Variants in DCDC2 observed in about 807,000 individuals in gnomAD.
DCDC2 encodes doublecortin domain-containing protein 2.
DCDC2 carries 40 observed loss-of-function variants against 50.2 expected under a neutral mutation model. The ratio of observed to expected loss-of-function variants is 0.80; its 90% CI spans 0.62 to 1.04. The LOEUF is 1.04. Among genes scored for constraint, DCDC2 ranks in the 50% least tolerant of loss-of-function variants. DCDC2 has a pLI of 0.00. For missense variants in DCDC2, 570 were observed against 581.9 expected, an observed-to-expected ratio of 0.98 and a Z score of 0.21; for synonymous variants, 234 against 210.6, an observed-to-expected ratio of 1.11 and a Z score of -0.96.
intron 7 of DCDC2, among the ~76,000 whole-genome samples, chr6:24,221,783 A>G (rs943613077): frequency 6.6e-6 from 1 of 152,242 alleles, no homozygotes; most frequent in African/African-American, 2.4e-5. Flanking sequence ...ATAGGCAGGA[A>G]GTGTTTGAGC....
At chr6:24,358,966 TATATATTTTATACA>T (rs1760566610), upstream of DCDC2, among the ~76,000 whole-genome samples, 4 of 78,062 alleles carry the variant, frequency 5.1e-5, 1 homozygote, top group Non-Finnish European at 6.4e-5. Flanking sequence ...TATTATATAT[TATATATTTTATACA>T]TTATATATTA....
chr6:24,380,428 G>A, the DCDC2 span, among the ~76,000 whole-genome samples: 6 of 152,170 alleles, frequency 3.9e-5, no homozygotes, highest in East Asian at 1.2e-3. Context: ...AAAGTGGACT[G>A]AAGATGAAGA....
At chr6:24,246,980 A>G (rs111743276) in intron 7 of DCDC2, among the ~76,000 whole-genome samples, 9 of 152,252 alleles carry the variant, frequency 5.9e-5, no homozygotes, top group Non-Finnish European at 1.2e-4. Context: ...AATCAGAAGT[A>G]TATACCCACA....
intron 2 of DCDC2, among the ~76,000 whole-genome samples, chr6:24,336,374 T>C (rs368353535): frequency 6.6e-6 from 1 of 152,226 alleles, no homozygotes; most frequent in East Asian, 1.9e-4. Flanking sequence ...CAGTGTATTT[T>C]ACTCTCTCTG....
At chr6:24,278,322 A>C in intron 6 of DCDC2, 111 bp from the exon 7 acceptor site, 2 of 957,782 alleles carry the variant, frequency 2.1e-6, no homozygotes, top group Non-Finnish European at 3.1e-6. Context: ...AGGGAGGTGT[A>C]TTGTCCTGGT....
intron 7 of DCDC2, among the ~76,000 whole-genome samples, chr6:24,221,507 A>C (rs151216089): frequency 5.3e-5 from 8 of 152,304 alleles, no homozygotes; most frequent in Non-Finnish European, 8.8e-5. Flanking sequence ...ACAGTACCAC[A>C]TGACAGACAA....
intron 6 of DCDC2, among the ~76,000 whole-genome samples, chr6:24,286,608 A>G (rs1185295175): frequency 6.6e-6 from 1 of 150,800 alleles, no homozygotes; most frequent in Admixed American, 6.6e-5. Flanking sequence ...AAAAAAAAAA[A>G]CCACCTGCAA....
chr6:24,291,404 T>C (rs990262783), intron 4 of DCDC2, among the ~76,000 whole-genome samples: 22 of 152,100 alleles, frequency 1.4e-4, no homozygotes, highest in African/African-American at 3.9e-4. Flanking sequence ...AATTAACTTG[T>C]ACAGATCACA....
chr6:24,200,833 A>G (rs1761570870), intron 8 of DCDC2, among the ~76,000 whole-genome samples: 1 of 144,588 alleles, frequency 6.9e-6, no homozygotes, highest in Admixed American at 6.8e-5. Context: ...AGAAAAAAAG[A>G]AAAAAAAAAA....
intron 7 of DCDC2, among the ~76,000 whole-genome samples, chr6:24,275,402 G>A (rs1356841360): frequency 6.6e-6 from 1 of 152,078 alleles, no homozygotes; most frequent in Non-Finnish European, 1.5e-5. Context: ...CTAGTGAACT[G>A]CACAAAATCC....
chr6:24,192,981 A>C (rs1761345651), intron 8 of DCDC2, among the ~76,000 whole-genome samples: 1 of 152,102 alleles, frequency 6.6e-6, no homozygotes, highest in Non-Finnish European at 1.5e-5. Context: ...AGGAACAAAG[A>C]AAATAGTCTA....
At chr6:24,237,573 A>G (rs977429474) in intron 7 of DCDC2, among the ~76,000 whole-genome samples, 3 of 152,226 alleles carry the variant, frequency 2.0e-5, no homozygotes, top group African/African-American at 7.2e-5. Context: ...TACTGGGTAG[A>G]TAACAAAAGG....
intron 8 of DCDC2, among the ~76,000 whole-genome samples, chr6:24,179,770 C>G (rs552289432): frequency 3.4e-5 from 5 of 148,572 alleles, no homozygotes; most frequent in African/African-American, 7.4e-5. Flanking sequence ...CTGGCTAACA[C>G]GGTGAAACCC....
intron 7 of DCDC2, among the ~76,000 whole-genome samples, chr6:24,262,633 G>T (rs1379290269): frequency 1.3e-5 from 2 of 152,202 alleles, no homozygotes; most frequent in African/African-American, 4.8e-5. Flanking sequence ...AGGAGGAGGA[G>T]TAAAGAAGAC....
At chr6:24,347,344 G>C (rs146623905) in intron 2 of DCDC2, among the ~76,000 whole-genome samples, 3,504 of 152,194 alleles carry the variant, frequency 0.023, 48 homozygotes, top group Non-Finnish European at 0.033. Flanking sequence ...CAGGAGCTTG[G>C]TTCCCAGCTA....
chr6:24,210,717 T>C (rs900843008), intron 7 of DCDC2, among the ~76,000 whole-genome samples: 1 of 152,192 alleles, frequency 6.6e-6, no homozygotes, highest in Admixed American at 6.5e-5. Flanking sequence ...CAAGTGCTCT[T>C]AATAGATCAT....
At chr6:24,194,238 A>G (rs1372424466) in intron 8 of DCDC2, among the ~76,000 whole-genome samples, 3 of 152,164 alleles carry the variant, frequency 2.0e-5, no homozygotes, top group Non-Finnish European at 4.4e-5. Context: ...TTGACTTTTA[A>G]AAACTTGTAC....
chr6:24,251,222 T>G lies in DCDC2; in HGVS notation c.922+26827A>C, dbSNP rs368412225. Among the ~76,000 whole-genome samples the G allele has an allele frequency of 5.9e-5, 9 of 152,290 alleles. No individual in the cohort carries two copies. In the East Asian group the frequency reaches 1.7e-3, roughly 29 times the overall value. On this transcript the variant is annotated intron_variant, in intron 7 of 9. Transcript: ENST00000378454. ...CAAATCGCCTTGGTTGAGGCAAAAC[T>G]GGACAGTTTCAGGGAAACCTTCAAA... is the stretch of plus-strand genomic sequence containing the variant.
intron 7 of DCDC2, among the ~76,000 whole-genome samples, chr6:24,220,393 A>G (rs995397952): frequency 6.6e-6 from 1 of 152,320 alleles, no homozygotes. Context: ...TAACAACAAC[A>G]AAAAAACAAA....
Sources: gnomAD v4.1 joint callset for allele counts (sites outside exome capture counted in the v4.1 genomes callset) on GRCh38, gnomAD v4.1.1 for gene constraint, MANE v1.5 for transcripts, NCBI Gene and HGNC (gene_info 2026-07-23, HGNC 2026-07-21) for gene names.